The following BICC1 variants were observed in gnomAD, a reference collection of about 807,000 sequenced individuals.
The protein encoded by BICC1 is BicC family RNA binding protein 1.
A neutral mutation model predicts 111.0 loss-of-function variants in BICC1; 43 were observed. That is an observed-to-expected ratio of 0.39 (90% CI 0.30 to 0.50). BICC1 has a LOEUF of 0.50. Ranked by LOEUF, BICC1 falls within the 20% of genes least tolerant of loss-of-function variation. The pLI is 0.88. For missense variants in BICC1, 1,091 were observed against 1,203.2 expected (o/e 0.91, Z 1.38); for synonymous variants, 467 against 434.4 (o/e 1.07, Z -0.93).
At chr10:58,570,019 A>G (rs1184929008) in intron 1 of BICC1, among the ~76,000 whole-genome samples, 2 of 152,178 alleles carry the variant, frequency 1.3e-5, no homozygotes, top group Non-Finnish European at 2.9e-5. Context: ...CAGTGTAAAA[A>G]CATTTCTATT....
intron 1 of BICC1, among the ~76,000 whole-genome samples, chr10:58,552,169 T>A (rs984137921): frequency 4.6e-5 from 7 of 151,650 alleles, no homozygotes; most frequent in African/African-American, 1.7e-4. Flanking sequence ...GTGTTAAGAG[T>A]CTTAACTTCT....
At chr10:58,652,677 A>G (rs1406593190) in intron 2 of BICC1, among the ~76,000 whole-genome samples, 1 of 152,132 alleles carries the variant, frequency 6.6e-6, no homozygotes, top group Non-Finnish European at 1.5e-5. Flanking sequence ...TTTTTTAAGG[A>G]TGATAAAATT....
At chr10:58,811,193 G>A (rs1461227262) in intron 17 of BICC1, among the ~76,000 whole-genome samples, 1 of 152,170 alleles carries the variant, frequency 6.6e-6, no homozygotes, top group African/African-American at 2.4e-5. Context: ...ACAAAAGGCT[G>A]CTTTGACCTG....
intron 3 of BICC1, among the ~76,000 whole-genome samples, chr10:58,703,586 C>T (rs1286758831): frequency 3.3e-5 from 5 of 152,108 alleles, no homozygotes; most frequent in African/African-American, 1.2e-4. Flanking sequence ...CTGTATTTCT[C>T]AAGTGGTGTA....
chr10:58,774,092 T>C (rs1842687537), intron 3 of BICC1, among the ~76,000 whole-genome samples: 1 of 152,220 alleles, frequency 6.6e-6, no homozygotes, highest in Non-Finnish European at 1.5e-5. Context: ...CTATTTGCCC[T>C]CTGTTCCAAC....
At chr10:58,527,208 T>C (rs77582167) in intron 1 of BICC1, among the ~76,000 whole-genome samples, 69,770 of 151,910 alleles carry the variant, frequency 0.46, 17,064 homozygotes, top group Admixed American at 0.62. Context: ...ATGTGTTTTT[T>C]GGCTGCATAA....
intron 3 of BICC1, among the ~76,000 whole-genome samples, chr10:58,761,377 A>G (rs749228178): frequency 1.9e-4 from 29 of 152,172 alleles, no homozygotes; most frequent in Non-Finnish European, 3.7e-4. Flanking sequence ...GAGAAACACT[A>G]AGGAATGAGT....
intron 1 of BICC1, among the ~76,000 whole-genome samples, chr10:58,551,274 A>T (rs1843288972): frequency 6.6e-6 from 1 of 152,196 alleles, no homozygotes; most frequent in African/African-American, 2.4e-5. Flanking sequence ...ATCTTTGAAC[A>T]AGAGGTTATT....
At position 58,800,887 on chromosome 10, in the gene BICC1, C is replaced by T; in HGVS notation, c.1859-3C>T. 1.9e-6 allele frequency: 3 copies of T among 1,582,136 alleles called. No individual in the cohort carries two copies. The highest frequency in any genetic ancestry group is 2.6e-6 in the Non-Finnish European group (3 of 1,167,150). On this transcript the variant is annotated splice_polypyrimidine_tract_variant and splice_region_variant and intron_variant, in intron 13 of 20. Coordinates refer to ENST00000373886, the MANE Select transcript of BICC1 (RefSeq NM_001080512.3). ...TTCACTTTTTTTTCCTTTTCCTCTGCAGGTTGTAATGATGCTTTTGTTGAA... is the reference window on the plus strand; with the variant it reads ...TTCACTTTTTTTTCCTTTTCCTCTGTAGGTTGTAATGATGCTTTTGTTGAA...
At chr10:58,825,433 T>G (rs1336379137) in intron 20 of BICC1, among the ~76,000 whole-genome samples, 2 of 152,218 alleles carry the variant, frequency 1.3e-5, no homozygotes, top group South Asian at 2.1e-4. Flanking sequence ...AGAACGCATA[T>G]GTATGAAATA....
At chr10:58,670,395 G>C (rs938000841) in intron 2 of BICC1, among the ~76,000 whole-genome samples, 1 of 152,082 alleles carries the variant, frequency 6.6e-6, no homozygotes, top group Non-Finnish European at 1.5e-5. Context: ...TGACGATATA[G>C]ACCATTATTA....
At chr10:58,772,454 A>G (rs1034809113) in intron 3 of BICC1, among the ~76,000 whole-genome samples, 1 of 152,194 alleles carries the variant, frequency 6.6e-6, no homozygotes, top group Non-Finnish European at 1.5e-5. Flanking sequence ...CGTTTTAAAT[A>G]TAATTGCTGA....
At chr10:58,532,801 A>T (rs1406900735) in intron 1 of BICC1, among the ~76,000 whole-genome samples, 2 of 151,898 alleles carry the variant, frequency 1.3e-5, no homozygotes, top group Non-Finnish European at 2.9e-5. Context: ...GATTAGCTGC[A>T]CACAAGAGCT....
At chr10:58,714,281 C>T (rs577404956) in intron 3 of BICC1, among the ~76,000 whole-genome samples, 91 of 152,264 alleles carry the variant, frequency 6.0e-4, no homozygotes, top group Admixed American at 4.3e-3. Context: ...CTTTTTGTAG[C>T]ATTGGCATTA....
chr10:58,561,363 A>G (rs1843598822), intron 1 of BICC1, among the ~76,000 whole-genome samples: 1 of 150,988 alleles, frequency 6.6e-6, no homozygotes, highest in South Asian at 2.1e-4. Context: ...AAATATAGCT[A>G]CTCCCATTTA....
chr10:58,701,964 T>C, intron 2 of BICC1, 110 bp from the exon 3 acceptor site: 1 of 723,504 alleles, frequency 1.4e-6, no homozygotes, highest in Non-Finnish European at 2.2e-6. Flanking sequence ...GATCATTTTG[T>C]ATGAACATGA....
chr10:58,623,619 G>A (rs1348416211), intron 2 of BICC1, among the ~76,000 whole-genome samples: 1 of 152,166 alleles, frequency 6.6e-6, no homozygotes, highest in Non-Finnish European at 1.5e-5. Flanking sequence ...AGCTGGGTTG[G>A]TAGCTGTGTC....
intron 2 of BICC1, among the ~76,000 whole-genome samples, chr10:58,666,987 A>G (rs1020084): frequency 1 from 151,883 of 152,288 alleles, 75,741 homozygotes; most frequent in Middle Eastern, 1. Flanking sequence ...TATTAGACAT[A>G]ATGGGTTATT....
intron 3 of BICC1, among the ~76,000 whole-genome samples, chr10:58,705,820 A>G (rs923304728): frequency 7.9e-5 from 12 of 152,138 alleles, no homozygotes; most frequent in Non-Finnish European, 1.3e-4. Flanking sequence ...ATGGTACCCA[A>G]TTGGTAATTT....
Sources: gnomAD v4.1 joint callset for allele counts (sites outside exome capture counted in the v4.1 genomes callset) on GRCh38, gnomAD v4.1.1 for gene constraint, MANE v1.5 for transcripts, NCBI Gene and HGNC (gene_info 2026-07-23, HGNC 2026-07-21) for gene names.